NRAP: variants seen among roughly 807,000 people sequenced by gnomAD.
NRAP encodes the protein nebulin related anchoring protein.
A neutral mutation model predicts 225.9 loss-of-function variants in NRAP; 189 were observed. The ratio of observed to expected loss-of-function variants is 0.84; its 90% CI spans 0.74 to 0.94. The LOEUF (loss-of-function observed/expected upper bound fraction) is 0.94. Ranked by LOEUF, NRAP falls within the 40% of genes least tolerant of loss-of-function variation. The probability of loss-of-function intolerance (pLI) is 0.00; values close to 1 mark genes in which losing one functional copy is unlikely to be tolerated. For missense variants in NRAP, 2,176 were observed against 2,168.7 expected (o/e 1.00, Z -0.07); for synonymous variants, 769 against 790.7 (o/e 0.97, Z 0.46).
intron 39 of NRAP, among the ~76,000 whole-genome samples, chr10:113,591,593 G>A (rs920271068): frequency 6.6e-6 from 1 of 152,214 alleles, no homozygotes; most frequent in African/African-American, 2.4e-5. Context: ...ACTGTTCCCA[G>A]GTGCGCCTCC....
At position 113,662,956 on chromosome 10, in the gene NRAP, G is replaced by A. The variant is rs1023292130; in HGVS notation, c.168-190C>T. On this transcript the variant is annotated intron_variant, in intron 2 of 41. Transcript: ENST00000359988. ...AAAAAAAAGCAAATCAAATAAAATCGACATATATAACTGAAAGCCTAAATT... is the reference window on the plus strand; with the variant it reads ...AAAAAAAAGCAAATCAAATAAAATCAACATATATAACTGAAAGCCTAAATT... Among the ~76,000 whole-genome samples, 11 of 151,902 alleles carry A rather than the reference G, an allele frequency of 7.2e-5. No individual in the cohort carries two copies. In the South Asian group the frequency reaches 1.7e-3, roughly 23 times the overall value.
chr10:113,654,093 A>T lies in NRAP; in HGVS notation c.393T>A (p.Asn131Lys). The T allele has an allele frequency of 6.2e-7, 1 of 1,613,672 alleles. No homozygotes were observed. Among genetic ancestry groups the T allele is most frequent in the Non-Finnish European group, 8.5e-7 (1 of 1,179,612 alleles). The stretch of plus-strand genomic sequence containing the variant: ...CTGGCAGAGCTCCTGGGCACCAAGC[A>T]TTCCCTTCCCCATATCCAGTCCAAT... Reference protein sequence around the residue: ...RAYWTGYGEGNAWCPGALPDP... With the variant: ...RAYWTGYGEGKAWCPGALPDP... The change falls in exon 5 of 42, where the codon AAT becomes AAA. Residue 131 changes from asparagine (N) to lysine (K), a missense_variant. Around this residue, in one of 3 missense-constraint regions of NRAP, gnomAD observed 1,708 missense variants for 1,695.5 expected, o/e 1.01. Coordinates refer to ENST00000359988, the MANE Select transcript of NRAP (RefSeq NM_198060.4).
chr10:113,644,259 C>G (rs3121472), intron 11 of NRAP, among the ~76,000 whole-genome samples: 2 of 151,530 alleles, frequency 1.3e-5, no homozygotes, highest in African/African-American at 4.9e-5. Flanking sequence ...TCTCTACCAC[C>G]CAGAATTAGA....
intron 14 of NRAP, among the ~76,000 whole-genome samples, chr10:113,639,490 C>T (rs930918587): frequency 6.6e-5 from 10 of 152,320 alleles, no homozygotes; most frequent in African/African-American, 1.4e-4. Flanking sequence ...CATAAATATA[C>T]GCTGAATTAT....
chr10:113,590,873 G>C lies in NRAP; in HGVS notation c.4661C>G (p.Ala1554Gly). ...EIASDFRYKE[A>G]FLRDRGLQIG... ...CTGCAGGCCTCGGTCCCGCAGGAAAGCCTCTTTGTACCGGAACTGCAAGTC... is the reference window on the plus strand; with the variant it reads ...CTGCAGGCCTCGGTCCCGCAGGAAACCCTCTTTGTACCGGAACTGCAAGTC... Residue 1554 changes from alanine (A) to glycine (G), a missense_variant, in exon 40 of 42, where the codon GCT (alanine) becomes GGT (glycine). Physicochemically the swap from Ala to Gly is moderately conservative, Grantham distance 60. Transcript: ENST00000359988. 1 of 1,613,886 alleles carries C rather than the reference G, an allele frequency of 6.2e-7. No homozygotes were observed. The highest frequency in any genetic ancestry group is 8.5e-7 in the Non-Finnish European group (1 of 1,179,792).
At chr10:113,632,806 T>C (rs560746109) in intron 16 of NRAP, among the ~76,000 whole-genome samples, 6 of 152,336 alleles carry the variant, frequency 3.9e-5, no homozygotes, top group African/African-American at 1.4e-4. Flanking sequence ...ACCAGTTCAC[T>C]AGGGTGATGA....
intron 37 of NRAP, among the ~76,000 whole-genome samples, chr10:113,596,593 A>G (rs1288609313): frequency 6.6e-6 from 1 of 152,156 alleles, no homozygotes; most frequent in Non-Finnish European, 1.5e-5. Flanking sequence ...AGCTGTTCCT[A>G]TTTTTTTCTT....
At chr10:113,614,363 G>T in intron 28 of NRAP, 67 bp from the exon 29 acceptor site, 1 of 1,098,008 alleles carries the variant, frequency 9.1e-7, no homozygotes, top group Non-Finnish European at 1.4e-6. Context: ...GAAGAGGTGG[G>T]CATTGGGTGA....
chr10:113,661,400 GTCAC>G, intron 3 of NRAP, among the ~76,000 whole-genome samples: 1 of 152,084 alleles, frequency 6.6e-6, no homozygotes, highest in East Asian at 1.9e-4. Flanking sequence ...ACACAGCAAG[GTCAC>G]TACCTCTATC....
chr10:113,628,995 C>T lies in NRAP; in HGVS notation c.2067G>A (p.Trp689Ter). 6.2e-7 allele frequency: 1 copy of T among 1,613,992 alleles called. No homozygotes were observed. Among genetic ancestry groups the T allele is most frequent in the South Asian group, 1.1e-5 (1 of 91,066 alleles). ...CTGTCAGCCACCCAACTCCCTTCAT[C>T]CATGCCAGGTCAGCCTTGTACTGCA... ...SELQYKADLA[W>*]MKGVGWLTEG... Residue 689 changes from tryptophan (W) to a stop codon, truncating the protein, a stop_gained, in exon 20 of 42, where the codon TGG becomes TGA. Transcript: ENST00000359988. LOFTEE classifies it high-confidence loss of function.
Position 113,648,461 on chromosome 10 carries a change from C to A in NRAP, c.889-1434G>T, listed in dbSNP as rs1285000444. Reference sequence around the variant, plus strand: ...TTTCTCTCTCTCTCTCTCTCTCTCTCTCTCTCTATATATATATATATATAT... The same window carrying A: ...TTTCTCTCTCTCTCTCTCTCTCTCTATCTCTCTATATATATATATATATAT... On this transcript the variant is annotated intron_variant, in intron 9 of 41. Coordinates refer to ENST00000359988, the MANE Select transcript of NRAP (RefSeq NM_198060.4). 8.8e-4 allele frequency among the ~76,000 whole-genome samples: 111 copies of A among 125,898 alleles called. 1 individual carries two copies. Among genetic ancestry groups the A allele is most frequent in the African/African-American group, 3.1e-3 (103 of 32,794 alleles). The allele number at this position is 125,898 out of a possible 152,430, so 82.6% of individuals were successfully genotyped here. A position where few individuals can be genotyped will look rare whatever the true frequency, so the allele number is the denominator to read the frequency against.
At chr10:113,636,208 C>A (rs1848861300) in intron 14 of NRAP, among the ~76,000 whole-genome samples, 1 of 152,228 alleles carries the variant, frequency 6.6e-6, no homozygotes, top group African/African-American at 2.4e-5. Flanking sequence ...TTCTGTGTCA[C>A]CACTATCTAC....
At chr10:113,596,165 C>A (rs376653028) in intron 37 of NRAP, among the ~76,000 whole-genome samples, 150 of 152,256 alleles carry the variant, frequency 9.9e-4, no homozygotes, top group African/African-American at 3.6e-3. Flanking sequence ...TTAATAAGTT[C>A]TTTTTGTTAT....
At chr10:113,607,954 A>G (rs1847096785) in intron 32 of NRAP, among the ~76,000 whole-genome samples, 1 of 152,228 alleles carries the variant, frequency 6.6e-6, no homozygotes, top group Admixed American at 6.5e-5. Context: ...AAGCCTGACA[A>G]ACATCTTACA....
At chr10:113,596,884 G>A (rs769407373) in intron 37 of NRAP, among the ~76,000 whole-genome samples, 3 of 152,098 alleles carry the variant, frequency 2.0e-5, no homozygotes. Context: ...CAAATAAAGG[G>A]ACCAAGGTTA....
In NRAP at chr10:113,657,472, C is replaced by T. The variant is rs754655023; in HGVS notation, c.358G>A (p.Glu120Lys). ...GAPNRQPLAN[E>K]RAYWTGYGEG... is the part of the protein sequence containing the mutation. Reference sequence around the variant, plus strand: ...CCCACTTGTCACTTTTCTCTCACCTCATTTGCCAGTGGCTGCCTGTTAGGT... The same window carrying T: ...CCCACTTGTCACTTTTCTCTCACCTTATTTGCCAGTGGCTGCCTGTTAGGT... The change falls in exon 4 of 42, where the codon GAG becomes AAG. Residue 120 changes from glutamate to lysine, a missense_variant and splice_region_variant. Physicochemically the swap from Glu to Lys is moderately conservative, Grantham distance 56 (BLOSUM62 1). Coordinates refer to ENST00000359988, the MANE Select transcript of NRAP (RefSeq NM_198060.4). The T allele has an allele frequency of 7.9e-6, 12 of 1,527,292 alleles. No homozygotes were observed. The highest frequency in any genetic ancestry group is 1.1e-5 in the Non-Finnish European group (12 of 1,101,222). 94.6% of individuals were successfully genotyped at this position (1,527,292 alleles called of 1,614,324 possible).
intron 37 of NRAP, among the ~76,000 whole-genome samples, chr10:113,596,346 G>A (rs1432259226): frequency 6.6e-6 from 1 of 152,198 alleles, no homozygotes; most frequent in Non-Finnish European, 1.5e-5. Context: ...TTTTAGAGGT[G>A]AAACTGTAAT....
chr10:113,621,588 CT>C (rs1388976759), intron 24 of NRAP, among the ~76,000 whole-genome samples: 10 of 152,300 alleles, frequency 6.6e-5, no homozygotes, highest in African/African-American at 2.4e-4. Flanking sequence ...TACCTCCCCC[CT>C]GGCAATAAAA....
intron 41 of NRAP, 63 bp downstream of exon 41, chr10:113,589,603 C>A: frequency 1.3e-6 from 2 of 1,557,638 alleles, no homozygotes; most frequent in Non-Finnish European, 1.7e-6. Context: ...TGAAAAGAAA[C>A]AATGAGTTTG....
Sources: allele counts gnomAD v4.1 joint callset (sites outside exome capture counted in the v4.1 genomes callset), GRCh38; gene constraint gnomAD v4.1.1; regional missense constraint gnomAD v4.1.1; transcripts MANE v1.5; gene names NCBI Gene and HGNC (gene_info 2026-07-23, HGNC 2026-07-21).